Variants in BACH2 observed in about 807,000 individuals in gnomAD.
BACH2 encodes the protein BACH transcriptional regulator 2.
A neutral mutation model predicts 61.8 loss-of-function variants in BACH2; 5 were observed. That is an observed-to-expected ratio of 0.08 (90% CI 0.04 to 0.17). The LOEUF (loss-of-function observed/expected upper bound fraction) is 0.17. Among genes scored for constraint, BACH2 ranks in the 10% least tolerant of loss-of-function variants. BACH2 has a pLI of 1.00. For synonymous variants in BACH2, 446 were observed against 440.1 expected, an observed-to-expected ratio of 1.01 and a Z score of -0.17; for missense variants, 824 against 1,091.1, an observed-to-expected ratio of 0.76 and a Z score of 3.45.
chr6:90,176,360 T>C (rs1767983297), intron 4 of BACH2, among the ~76,000 whole-genome samples: 1 of 152,072 alleles, frequency 6.6e-6, no homozygotes, highest in Admixed American at 6.6e-5. Flanking sequence ...ACTGAGAGTT[T>C]GAGAGTTCAG....
chr6:90,263,618 A>AT (rs1771234239), intron 2 of BACH2, among the ~76,000 whole-genome samples: 1 of 152,150 alleles, frequency 6.6e-6, no homozygotes, highest in African/African-American at 2.4e-5. Flanking sequence ...TAAGAGTAGC[A>AT]TTTTTTCTTG....
At chr6:89,940,696 C>T (rs529101687) in intron 7 of BACH2, among the ~76,000 whole-genome samples, 12 of 152,234 alleles carry the variant, frequency 7.9e-5, no homozygotes, top group African/African-American at 2.6e-4. Flanking sequence ...ACAAACAATA[C>T]GAGCTACATT....
At chr6:90,055,441 C>T (rs149961398) in intron 5 of BACH2, among the ~76,000 whole-genome samples, 164 of 152,058 alleles carry the variant, frequency 1.1e-3, no homozygotes, top group East Asian at 8.5e-3. Flanking sequence ...TAAAAAGAAA[C>T]GAACAAAGCC....
chr6:89,950,928 C>G lies in BACH2; in HGVS notation c.1178G>C (p.Gly393Ala), dbSNP rs1774055582. 6.3e-7 allele frequency: 1 copy of G among 1,578,240 alleles called. No individual in the cohort carries two copies. The highest frequency in any genetic ancestry group is 1.2e-5 in the South Asian group (1 of 84,578). ...CTCCTTCTGGCCCACGTGGGGCTGT[C>G]CATAATTCCCTGTGAAAGGGGTGTA... ...TDYTPFTGNY[G>A]QPHVGQKEVS... Residue 393 changes from glycine to alanine, a missense_variant, in exon 7 of 9, where the codon GGA becomes GCA. Physicochemically the swap from Gly to Ala is moderately conservative, Grantham distance 60. Around this residue, in one of 8 missense-constraint regions of BACH2, gnomAD observed 226 missense variants for 228.5 expected, o/e 0.99. Coordinates refer to ENST00000257749, the MANE Select transcript of BACH2 (RefSeq NM_021813.4). The surrounding 1 kb of genome is among the most constrained non-coding windows in gnomAD (Gnocchi z 5.3).
In BACH2 at chr6:89,931,487, T is replaced by C. The variant is rs80009911; in HGVS notation, c.*921A>G. 1 of 152,842 alleles carries C rather than the reference T, an allele frequency of 6.5e-6. No homozygotes were observed. Among genetic ancestry groups the C allele is most frequent in the African/African-American group, 2.4e-5 (1 of 41,580 alleles). 9.5% of individuals were successfully genotyped at this position (152,842 alleles called of 1,614,324 possible). A position where few individuals can be genotyped will look rare whatever the true frequency, so the allele number is the denominator to read the frequency against. ...AACTAAAAGCAAAGAATATACAGTA[T>C]ACTTGAGTTATACCGAAGTTACAAC... On this transcript the variant is annotated 3_prime_UTR_variant, in exon 9 of 9. Coordinates refer to ENST00000257749, the MANE Select transcript of BACH2 (RefSeq NM_021813.4).
intron 5 of BACH2, among the ~76,000 whole-genome samples, chr6:90,029,095 T>C (rs1778803092): frequency 1.3e-5 from 2 of 152,218 alleles, no homozygotes; most frequent in South Asian, 4.1e-4. Context: ...CTTTTGGCCC[T>C]GCCCACCTAA....
At chr6:90,248,492 C>A (rs1770705943) in intron 3 of BACH2, among the ~76,000 whole-genome samples, 1 of 151,922 alleles carries the variant, frequency 6.6e-6, no homozygotes, top group Admixed American at 6.6e-5. Context: ...CTAATAAGGG[C>A]TGGGAAAGAA....
chr6:90,014,468 A>ATATATAT (rs1222156456), intron 5 of BACH2, among the ~76,000 whole-genome samples: 1 of 32,302 alleles, frequency 3.1e-5, no homozygotes, highest in African/African-American at 2.1e-4. Flanking sequence ...ATATATATAT[A>ATATATAT]TTTTTTTTTT....
chr6:90,153,494 T>C (rs1284676949), intron 4 of BACH2, among the ~76,000 whole-genome samples: 6 of 152,334 alleles, frequency 3.9e-5, no homozygotes, highest in Non-Finnish European at 8.8e-5. Context: ...TCTCAGTTAA[T>C]GTCCTGAAAC....
At chr6:90,071,102 T>C (rs1781205811) in intron 5 of BACH2, among the ~76,000 whole-genome samples, 1 of 152,190 alleles carries the variant, frequency 6.6e-6, no homozygotes, top group African/African-American at 2.4e-5. Context: ...CCCACCGTCT[T>C]GGCTGCCCAA....
At chr6:89,975,549 C>A (rs1239900575) in intron 6 of BACH2, among the ~76,000 whole-genome samples, 1 of 152,198 alleles carries the variant, frequency 6.6e-6, no homozygotes, top group Non-Finnish European at 1.5e-5. Flanking sequence ...AGTAGGTACT[C>A]AATAAAGTTG....
intron 1 of BACH2, among the ~76,000 whole-genome samples, chr6:90,282,180 AG>A (rs1277743572): frequency 1.3e-5 from 2 of 152,098 alleles, no homozygotes; most frequent in African/African-American, 4.8e-5. Context: ...TTTTAAGTTC[AG>A]GGGTATGCAC....
intron 5 of BACH2, among the ~76,000 whole-genome samples, chr6:90,054,001 C>T (rs751535490): frequency 1.3e-5 from 2 of 151,956 alleles, no homozygotes; most frequent in African/African-American, 2.4e-5. Flanking sequence ...CCAAGATGGC[C>T]GAATAGGAAC....
intron 5 of BACH2, among the ~76,000 whole-genome samples, chr6:90,080,291 C>G (rs530351118): frequency 7.0e-4 from 106 of 152,234 alleles, no homozygotes; most frequent in Non-Finnish European, 1.4e-3. Flanking sequence ...TGCTTTTAGT[C>G]TGCGGTGGCA....
intron 2 of BACH2, among the ~76,000 whole-genome samples, chr6:90,259,649 T>A (rs1226817627): frequency 2.6e-5 from 4 of 152,184 alleles, no homozygotes; most frequent in Non-Finnish European, 5.9e-5. Flanking sequence ...AGTACTGGTA[T>A]CAATTCTTTG....
chr6:89,993,591 T>C (rs1562352911), intron 6 of BACH2, among the ~76,000 whole-genome samples: 1 of 152,152 alleles, frequency 6.6e-6, no homozygotes, highest in Non-Finnish European at 1.5e-5. Context: ...CCTTCTATTC[T>C]GACTCACTCT....
intron 5 of BACH2, among the ~76,000 whole-genome samples, chr6:90,063,454 T>C (rs868470161): frequency 3.3e-5 from 5 of 152,180 alleles, no homozygotes; most frequent in South Asian, 2.1e-4. Flanking sequence ...AAAAAACAAA[T>C]TGAAAGGCCA....
In BACH2 at chr6:90,176,769, C is replaced by T. The variant is rs191362092; in HGVS notation, c.-162+29800G>A. Among the ~76,000 whole-genome samples, 3 of 152,258 alleles carry T rather than the reference C, an allele frequency of 2.0e-5. No homozygotes were observed. The East Asian group carries it at 5.8e-4, about 29-fold the overall frequency. On this transcript the variant is annotated intron_variant, in intron 4 of 8. Coordinates refer to ENST00000257749, the MANE Select transcript of BACH2 (RefSeq NM_021813.4). ...CAATGCCCTCATTATGTCTTACCAG[C>T]CCTCCTGCTCCTGCCTCCTCCAGTT...
intron 4 of BACH2, among the ~76,000 whole-genome samples, chr6:90,114,013 T>G (rs1471243027): frequency 6.6e-6 from 1 of 152,046 alleles, no homozygotes; most frequent in Non-Finnish European, 1.5e-5. Flanking sequence ...GCTCTGAAAT[T>G]GAATCAGCAA....
Sources: allele counts gnomAD v4.1 joint callset (sites outside exome capture counted in the v4.1 genomes callset), GRCh38; gene constraint gnomAD v4.1.1; regional missense constraint gnomAD v4.1.1; non-coding constraint Gnocchi (gnomAD v3.1); transcripts MANE v1.5; gene names NCBI Gene and HGNC (gene_info 2026-07-23, HGNC 2026-07-21).